The following CNBD1 variants were observed in gnomAD, a reference collection of about 807,000 sequenced individuals.
CNBD1 encodes the protein cyclic nucleotide-binding domain-containing protein 1.
In CNBD1, 71 loss-of-function variants were observed where a neutral mutation model predicts 54.4. The ratio of observed to expected loss-of-function variants is 1.30; its 90% CI spans 1.08 to 1.59. The LOEUF is 1.59. CNBD1 is among the 40% of genes most tolerant of loss of function. The pLI is 0.00. For missense variants in CNBD1, 659 were observed against 518.0 expected (o/e 1.27, Z -2.64); for synonymous variants, 182 against 170.7 (o/e 1.07, Z -0.51).
chr8:87,012,192 A>G (rs910949999), intron 4 of CNBD1, among the ~76,000 whole-genome samples: 2 of 152,174 alleles, frequency 1.3e-5, no homozygotes, highest in African/African-American at 4.8e-5. Context: ...ATTTGATAGT[A>G]GAGGTCATTA....
chr8:87,368,693 C>T (rs1416909227), intron 10 of CNBD1, among the ~76,000 whole-genome samples: 1 of 151,830 alleles, frequency 6.6e-6, no homozygotes, highest in Non-Finnish European at 1.5e-5. Context: ...AAAGATAGCA[C>T]CTGCTTCTAT....
intron 2 of CNBD1, among the ~76,000 whole-genome samples, chr8:87,388,656 G>A (rs1405071864): frequency 2.6e-5 from 4 of 152,064 alleles, no homozygotes; most frequent in South Asian, 2.1e-4. Flanking sequence ...ATTCACAGCC[G>A]AATTCTACCA....
intron 4 of CNBD1, among the ~76,000 whole-genome samples, chr8:87,148,093 A>G (rs1812527661): frequency 6.6e-6 from 1 of 152,210 alleles, no homozygotes; most frequent in Non-Finnish European, 1.5e-5. Flanking sequence ...TATGCATTCC[A>G]ATAGCAATCA....
At chr8:87,252,121 TTC>T (rs984686419) in intron 6 of CNBD1, among the ~76,000 whole-genome samples, 1 of 152,154 alleles carries the variant, frequency 6.6e-6, no homozygotes, top group Non-Finnish European at 1.5e-5. Flanking sequence ...TATTTTTCCA[TTC>T]TGTTATAATC....
chr8:87,261,340 G>A (rs548097655), intron 6 of CNBD1, among the ~76,000 whole-genome samples: 3 of 152,088 alleles, frequency 2.0e-5, no homozygotes, highest in African/African-American at 7.2e-5. Context: ...GTGCTCCTGG[G>A]GGTTGCTAGA....
chr8:87,297,335 T>C (rs911471077), intron 8 of CNBD1, among the ~76,000 whole-genome samples: 1 of 152,112 alleles, frequency 6.6e-6, no homozygotes, highest in Non-Finnish European at 1.5e-5. Flanking sequence ...ATTGTACACT[T>C]ACAGCGTATC....
chr8:87,357,059 G>T (rs1810434180), intron 10 of CNBD1, among the ~76,000 whole-genome samples: 3 of 152,180 alleles, frequency 2.0e-5, no homozygotes, highest in Admixed American at 6.5e-5. Flanking sequence ...ATGGAGTTGG[G>T]TCTGCAGGTA....
Position 87,220,796 on chromosome 8 carries a change from G to A in CNBD1, c.577+14658G>A, listed in dbSNP as rs149555872. On this transcript the variant is annotated intron_variant, in intron 5 of 10. Transcript: ENST00000518476. ...TACAGTAACTTTTACTTGTATTTTGGATTATTTATTTATGACAGATTTCTA... is the reference window on the plus strand; with the variant it reads ...TACAGTAACTTTTACTTGTATTTTGAATTATTTATTTATGACAGATTTCTA... Among the ~76,000 whole-genome samples the A allele has an allele frequency of 2.3e-3, 354 of 151,874 alleles. 1 individual carries two copies. The highest frequency in any genetic ancestry group is 7.8e-3 in the African/African-American group (323 of 41,454).
chr8:87,015,767 G>A (rs1310516988), intron 4 of CNBD1, among the ~76,000 whole-genome samples: 5 of 151,820 alleles, frequency 3.3e-5, no homozygotes, highest in African/African-American at 1.2e-4. Context: ...ATCACTTCAG[G>A]TCAGGAGTTT....
intron 2 of CNBD1, among the ~76,000 whole-genome samples, chr8:87,397,535 G>C (rs1008352774): frequency 6.6e-6 from 1 of 151,894 alleles, no homozygotes; most frequent in Non-Finnish European, 1.5e-5. Context: ...ACAAGAGACA[G>C]ACATTATATC....
At chr8:87,220,377 A>G (rs1814304739) in intron 5 of CNBD1, among the ~76,000 whole-genome samples, 1 of 152,054 alleles carries the variant, frequency 6.6e-6, no homozygotes, top group Non-Finnish European at 1.5e-5. Flanking sequence ...GAGCAAGTCC[A>G]GAAGAAGACC....
chr8:86,974,680 C>G (rs1009050910), intron 4 of CNBD1, among the ~76,000 whole-genome samples: 4 of 151,602 alleles, frequency 2.6e-5, no homozygotes, highest in South Asian at 4.2e-4. Context: ...CAACATGATT[C>G]CATTTGTATC....
At chr8:87,020,084 G>A (rs2130574983) in intron 4 of CNBD1, among the ~76,000 whole-genome samples, 1 of 152,098 alleles carries the variant, frequency 6.6e-6, no homozygotes, top group South Asian at 2.1e-4. Flanking sequence ...AACCTTGGAT[G>A]CCCAAACCTT....
At chr8:87,229,566 G>C (rs2130818877) in intron 5 of CNBD1, among the ~76,000 whole-genome samples, 1 of 151,342 alleles carries the variant, frequency 6.6e-6, no homozygotes, top group South Asian at 2.1e-4. Context: ...ATAAATTTTG[G>C]GATTATGTCA....
intron 10 of CNBD1, among the ~76,000 whole-genome samples, chr8:87,378,974 G>A (rs931727620): frequency 4.0e-5 from 6 of 149,372 alleles, no homozygotes; most frequent in Middle Eastern, 3.4e-3. Context: ...TTGGTGTATA[G>A]GAATGCTTGT....
chr8:87,421,435 C>G (rs1203301980), intron 2 of CNBD1, among the ~76,000 whole-genome samples: 2 of 127,734 alleles, frequency 1.6e-5, no homozygotes, highest in Admixed American at 1.7e-4. Flanking sequence ...CTCCCCCCAC[C>G]CCACAACAGT....
chr8:86,976,160 C>A (rs893169357), intron 4 of CNBD1, among the ~76,000 whole-genome samples: 2 of 133,984 alleles, frequency 1.5e-5, no homozygotes, highest in Admixed American at 1.5e-4. Context: ...CAAATATTTT[C>A]TCTCAGTCTG....
chr8:87,286,733 T>C, intron 8 of CNBD1, 62 bp downstream of exon 8: 1 of 1,100,834 alleles, frequency 9.1e-7, no homozygotes, highest in Non-Finnish European at 1.3e-6. Context: ...GAATTGAAAT[T>C]CTTCATAGTT....
chr8:87,421,352 C>A (rs1224728315), intron 2 of CNBD1, among the ~76,000 whole-genome samples: 1 of 150,702 alleles, frequency 6.6e-6, no homozygotes, highest in African/African-American at 2.4e-5. Flanking sequence ...TATACATGTG[C>A]CATGCTGGTG....
Sources: gnomAD v4.1 joint callset for allele counts (sites outside exome capture counted in the v4.1 genomes callset) on GRCh38, gnomAD v4.1.1 for gene constraint, MANE v1.5 for transcripts, NCBI Gene and HGNC (gene_info 2026-07-23, HGNC 2026-07-21) for gene names.